FAM3D: variants seen among roughly 807,000 people sequenced by gnomAD.
The protein encoded by FAM3D is FAM3 metabolism regulating signaling molecule D, also known as protein FAM3D.
A neutral mutation model predicts 29.8 loss-of-function variants in FAM3D; 26 were observed. The ratio of observed to expected loss-of-function variants is 0.87; its 90% CI spans 0.64 to 1.21. The LOEUF is 1.21. Ranked by LOEUF, FAM3D falls within the 50% of genes most tolerant of loss-of-function variation. The pLI, the probability that FAM3D is intolerant of heterozygous loss-of-function variation, is 0.00. For missense variants in FAM3D, 253 were observed against 290.9 expected, an observed-to-expected ratio of 0.87 and a Z score of 0.95; for synonymous variants, 115 against 102.3, an observed-to-expected ratio of 1.12 and a Z score of -0.75.
chr3:58,653,540 C>G (rs2106890867), intron 3 of FAM3D, 134 bp downstream of exon 3: 1 of 845,644 alleles, frequency 1.2e-6, no homozygotes, highest in African/African-American at 1.7e-5. Flanking sequence ...CCCCCTCTCC[C>G]TGCAATTGCT....
At chr3:58,661,341 C>A (rs570522135) in intron 1 of FAM3D, among the ~76,000 whole-genome samples, 1 of 152,274 alleles carries the variant, frequency 6.6e-6, no homozygotes, top group South Asian at 2.1e-4. Flanking sequence ...AGATTCTGTT[C>A]TCCCACCCCC....
At chr3:58,640,711 T>C (rs1418002181) in intron 6 of FAM3D, among the ~76,000 whole-genome samples, 1 of 152,254 alleles carries the variant, frequency 6.6e-6, no homozygotes, top group Non-Finnish European at 1.5e-5. Flanking sequence ...GGATTGCGTT[T>C]GTGGGTTTTG....
chr3:58,651,817 C>T (rs997739460), intron 3 of FAM3D, among the ~76,000 whole-genome samples: 12 of 120,096 alleles, frequency 1.0e-4, no homozygotes, highest in Non-Finnish European at 1.3e-4. Context: ...GTAAAAGCAG[C>T]GATCCTGGGT....
intron 3 of FAM3D, among the ~76,000 whole-genome samples, chr3:58,651,543 T>C (rs1156464871): frequency 6.6e-6 from 1 of 152,226 alleles, no homozygotes; most frequent in Non-Finnish European, 1.5e-5. Flanking sequence ...GGGCCACATG[T>C]TCCTCATTGA....
intron 6 of FAM3D, among the ~76,000 whole-genome samples, chr3:58,641,295 T>A (rs1338907660): frequency 6.6e-6 from 1 of 152,158 alleles, no homozygotes; most frequent in African/African-American, 2.4e-5. Flanking sequence ...GATTAAGACC[T>A]GCAGTTGACT....
At chr3:58,644,441 C>A (rs1477433647) in intron 5 of FAM3D, among the ~76,000 whole-genome samples, 1 of 152,222 alleles carries the variant, frequency 6.6e-6, no homozygotes, top group Non-Finnish European at 1.5e-5. Flanking sequence ...TGCTGCCAAC[C>A]ATGTAAGATG....
intron 3 of FAM3D, among the ~76,000 whole-genome samples, chr3:58,652,201 T>C (rs900132693): frequency 3.3e-5 from 5 of 152,206 alleles, no homozygotes; most frequent in Non-Finnish European, 7.3e-5. Context: ...TGGGTGAGTT[T>C]TTAAATCTCC....
At chr3:58,652,601 A>G (rs981200357) in intron 3 of FAM3D, among the ~76,000 whole-genome samples, 1 of 151,674 alleles carries the variant, frequency 6.6e-6, no homozygotes, top group Middle Eastern at 3.4e-3. Flanking sequence ...CCATCTACCC[A>G]TCCACCCATC....
At position 58,653,690 on chromosome 3, in the gene FAM3D, A is replaced by G. The variant is rs151211035; in HGVS notation, c.105T>C (p.Arg35=). Reference sequence around the variant, plus strand: ...CCCACTCACCCAGCCAGCGTGGCAGACGGATGGTTTTCATGCTGAAGCTCA... The same window carrying G: ...CCCACTCACCCAGCCAGCGTGGCAGGCGGATGGTTTTCATGCTGAAGCTCA... ...SYMSFSMKTI[R]LPRWLAASPT... The change falls in exon 3 of 10, where the codon CGT becomes CGC. Residue 35 remains arginine, a synonymous_variant. Coordinates refer to ENST00000358781, the MANE Select transcript of FAM3D (RefSeq NM_138805.3). The G allele has an allele frequency of 1.3e-5, 21 of 1,613,828 alleles. No homozygotes were observed. The highest frequency in any genetic ancestry group is 2.2e-5 in the East Asian group (1 of 44,882).
rs552690338 is a variant in FAM3D at position 58,660,076 on chromosome 3, A to G, written c.-38-4475T>C. On this transcript the variant is annotated intron_variant, in intron 1 of 9. Coordinates refer to ENST00000358781, the MANE Select transcript of FAM3D (RefSeq NM_138805.3). ...TGAATTCTGTGTGCATGAGTGCGGG[A>G]GATGGAAACTCTACAGAGATAGTGA... Among the ~76,000 whole-genome samples the G allele has an allele frequency of 1.2e-3, 182 of 152,270 alleles. 8 individuals carry two copies. The South Asian group carries it at 0.037, about 31-fold the overall frequency.
intron 1 of FAM3D, among the ~76,000 whole-genome samples, chr3:58,662,849 G>A (rs112531609): frequency 0.023 from 3,456 of 152,326 alleles, 137 homozygotes; most frequent in African/African-American, 0.078. Context: ...TTGCAGAGAT[G>A]GGGTCAGACA....
Position 58,664,429 on chromosome 3 carries a change from C to T in FAM3D, c.-39+2147G>A, listed in dbSNP as rs534369369. Among the ~76,000 whole-genome samples the T allele has an allele frequency of 3.3e-5, 5 of 152,264 alleles. No individual in the cohort carries two copies. In the South Asian group the frequency reaches 6.2e-4, roughly 19 times the overall value. ...GACAGTGTCTAATCATTTCTGAATG[C>T]CCAGTTCCATGCAGACTGCCTGGTG... is the stretch of plus-strand genomic sequence containing the variant. On this transcript the variant is annotated intron_variant, in intron 1 of 9. Transcript: ENST00000358781.
rs147876713 is a variant in FAM3D at position 58,645,607 on chromosome 3, A to G, written c.165T>C (p.Cys55=). The G allele has an allele frequency of 7.5e-5, 121 of 1,614,170 alleles. 1 individual carries two copies. The African/African-American group carries it at 1.5e-3, about 20-fold the overall frequency. Residue 55 remains cysteine (C), a synonymous_variant, in exon 5 of 10, where the codon TGT becomes TGC. Coordinates refer to ENST00000358781, the MANE Select transcript of FAM3D (RefSeq NM_138805.3). ...TKEIQVKKYK[C]GLIKPCPANY... The stretch of plus-strand genomic sequence containing the variant: ...TGGCTGGGCAGGGCTTGATGAGGCC[A>G]CACTTGTACTTTTTAACCTCTGGGG...
At chr3:58,652,647 CATCT>C (rs2066673027) in intron 3 of FAM3D, among the ~76,000 whole-genome samples, 1 of 152,122 alleles carries the variant, frequency 6.6e-6, no homozygotes, top group Non-Finnish European at 1.5e-5. Flanking sequence ...CCAACCCATC[CATCT>C]ACTTATCCCT....
Position 58,655,567 on chromosome 3 carries a change from G to A in FAM3D, c.-4C>T, listed in dbSNP as rs1264881482. 3.1e-6 allele frequency: 5 copies of A among 1,613,204 alleles called. No individual in the cohort carries two copies. In the Admixed American group the frequency reaches 8.3e-5, roughly 27 times the overall value. On this transcript the variant is annotated 5_prime_UTR_variant, in exon 2 of 10. Transcript: ENST00000358781. ...AGAGCCTACCTGACACTCTCATCCT[G>A]TCCAGGTGAAGGGTGGCTTGGGGTC... is the stretch of plus-strand genomic sequence containing the variant.
intron 1 of FAM3D, among the ~76,000 whole-genome samples, chr3:58,660,985 A>G (rs1317005086): frequency 6.6e-6 from 1 of 152,230 alleles, no homozygotes; most frequent in East Asian, 1.9e-4. Flanking sequence ...GCCCAACTCA[A>G]GCACAAGTTG....
chr3:58,637,228 G>C lies in FAM3D; in HGVS notation c.374-3C>G. 1.2e-6 allele frequency: 2 copies of C among 1,610,162 alleles called. No homozygotes were observed. Among genetic ancestry groups the C allele is most frequent in the East Asian group, 4.5e-5 (2 of 44,838 alleles). On this transcript the variant is annotated splice_polypyrimidine_tract_variant and splice_region_variant and intron_variant, in intron 7 of 9. Coordinates refer to ENST00000358781, the MANE Select transcript of FAM3D (RefSeq NM_138805.3). ...GAATTTCACTAGGTGCATAACATCT[G>C]GGGGAGGAAGGAAAAGGTGCTGGTG...
intron 3 of FAM3D, among the ~76,000 whole-genome samples, chr3:58,650,722 A>AT (rs1265807598): frequency 1.3e-5 from 2 of 152,004 alleles, no homozygotes; most frequent in South Asian, 4.2e-4. Flanking sequence ...TTTATTTTTT[A>AT]TTTTTATTTT....
chr3:58,653,716 T>C lies in FAM3D; in HGVS notation c.79A>G (p.Met27Val). The C allele has an allele frequency of 1.9e-6, 3 of 1,614,078 alleles. No homozygotes were observed. Among genetic ancestry groups the C allele is most frequent in the South Asian group, 1.1e-5 (1 of 91,076 alleles). ...VTTWMFIRSYMSFSMKTIRLP... is the reference protein window; with the variant it reads ...VTTWMFIRSYVSFSMKTIRLP... ...CGGATGGTTTTCATGCTGAAGCTCATGTAGCTTCGAATAAACATCCATGTC... is the reference window on the plus strand; with the variant it reads ...CGGATGGTTTTCATGCTGAAGCTCACGTAGCTTCGAATAAACATCCATGTC... Residue 27 changes from methionine (M) to valine (V), a missense_variant, in exon 3 of 10, where the codon ATG becomes GTG. Met to Val is a conservative substitution (Grantham distance 21, BLOSUM62 1). Coordinates refer to ENST00000358781, the MANE Select transcript of FAM3D (RefSeq NM_138805.3).
Sources: gnomAD v4.1 joint callset for allele counts (sites outside exome capture counted in the v4.1 genomes callset) on GRCh38, gnomAD v4.1.1 for gene constraint, MANE v1.5 for transcripts, NCBI Gene and HGNC (gene_info 2026-07-23, HGNC 2026-07-21) for gene names.